The following ODAD2 variants were observed in gnomAD, a reference collection of about 807,000 sequenced individuals.
ODAD2 encodes the protein outer dynein arm-docking complex subunit 2.
A neutral mutation model predicts 106.8 loss-of-function variants in ODAD2; 89 were observed. The ratio of observed to expected loss-of-function variants is 0.83; its 90% CI spans 0.70 to 0.99. The LOEUF (loss-of-function observed/expected upper bound fraction) is 0.99. Ranked by LOEUF, ODAD2 falls within the 50% of genes least tolerant of loss-of-function variation. ODAD2 has a pLI of 0.00. For synonymous variants in ODAD2, 404 were observed against 436.2 expected (o/e 0.93, Z 0.92); for missense variants, 1,168 against 1,238.5 (o/e 0.94, Z 0.85).
intron 19 of ODAD2, among the ~76,000 whole-genome samples, chr10:27,817,094 A>C (rs1451036396): frequency 6.6e-6 from 1 of 152,162 alleles, no homozygotes; most frequent in Non-Finnish European, 1.5e-5. Context: ...GCATGCATGC[A>C]TACACACTTT....
chr10:27,935,204 A>G lies in ODAD2; in HGVS notation c.2301T>C (p.Asp767=), dbSNP rs1320519276. Residue 767 remains aspartate (D), a synonymous_variant, in exon 16 of 20, where the codon GAT becomes GAC. Transcript: ENST00000305242. ...AIETLVGLLT[D]QPEEVLVNVV... ...CATTCACAAGTACTTCTTCAGGCTG[A>G]TCTGTTAGAAGTCCCACCAAGGTTT... 3 of 1,613,986 alleles carry G rather than the reference A, an allele frequency of 1.9e-6. No individual in the cohort carries two copies. In the South Asian group the frequency reaches 3.3e-5, roughly 18 times the overall value.
In ODAD2 at chr10:27,862,578, A is replaced by G. The variant is rs374881931; in HGVS notation, c.2655T>C (p.Leu885=). 9.9e-6 allele frequency: 16 copies of G among 1,611,766 alleles called. No individual in the cohort carries two copies. The South Asian group carries it at 1.7e-4, about 17-fold the overall frequency. The part of the protein sequence containing the change: ...MVRSFVGGLE[L]IVNLLKSDNK... ...TATCTGATTTCAGTAAATTGACAAT[A>G]AGTTCCAAACCACCAACAAAGGAAC... Residue 885 remains leucine, a synonymous_variant, in exon 18 of 20, where the codon CTT becomes CTC. Transcript: ENST00000305242.
intron 19 of ODAD2, among the ~76,000 whole-genome samples, chr10:27,814,353 TC>T (rs1835964495): frequency 1.3e-5 from 2 of 152,156 alleles, no homozygotes; most frequent in Non-Finnish European, 1.5e-5. Flanking sequence ...GGGGACCCCT[TC>T]CCACCCGGCT....
At chr10:27,832,675 G>A (rs529587170) in intron 19 of ODAD2, among the ~76,000 whole-genome samples, 5 of 152,178 alleles carry the variant, frequency 3.3e-5, no homozygotes, top group African/African-American at 1.2e-4. Flanking sequence ...CAGAGCACAC[G>A]TGACCAGGAA....
chr10:27,872,817 CT>C (rs745451850), intron 17 of ODAD2, among the ~76,000 whole-genome samples: 4 of 151,964 alleles, frequency 2.6e-5, no homozygotes, highest in Non-Finnish European at 1.5e-5. Context: ...CTAAAATTCT[CT>C]TTTTTTTCTG....
intron 10 of ODAD2, among the ~76,000 whole-genome samples, chr10:27,950,969 C>T (rs1027459070): frequency 2.0e-5 from 3 of 151,986 alleles, no homozygotes; most frequent in Non-Finnish European, 2.9e-5. Context: ...TATACACTAA[C>T]AATAACAAAT....
chr10:27,876,002 G>A (rs1346175887), intron 17 of ODAD2, among the ~76,000 whole-genome samples: 11 of 152,186 alleles, frequency 7.2e-5, no homozygotes, highest in Admixed American at 7.2e-4. Flanking sequence ...TGGGGGAGGG[G>A]CACCCGCCAT....
At chr10:27,985,774 TA>T (rs1408854961) in intron 3 of ODAD2, among the ~76,000 whole-genome samples, 11 of 150,846 alleles carry the variant, frequency 7.3e-5, no homozygotes, top group African/African-American at 2.7e-4. Context: ...TCTAGCCATA[TA>T]CATAATATAT....
chr10:27,847,298 T>C (rs1480008231), intron 19 of ODAD2, among the ~76,000 whole-genome samples: 1 of 152,166 alleles, frequency 6.6e-6, no homozygotes, highest in African/African-American at 2.4e-5. Context: ...TAATCCAGCA[T>C]ATAAACAGAA....
At chr10:27,984,162 T>G in intron 5 of ODAD2, 22 bp downstream of exon 5, 2 of 1,563,386 alleles carry the variant, frequency 1.3e-6, no homozygotes, top group African/African-American at 2.7e-5. Flanking sequence ...TAACATAAAA[T>G]GAGCCTGAGA....
Position 27,915,979 on chromosome 10 carries a change from G to T in ODAD2, c.2496-8202C>A, listed in dbSNP as rs1844342552. On this transcript the variant is annotated intron_variant, in intron 16 of 19. Transcript: ENST00000305242. Reference sequence around the variant, plus strand: ...ACCATGGAGTGTTAGAGCACAAGAAGGATGAAGAGAGAATCTCTCTAAGTG... The same window carrying T: ...ACCATGGAGTGTTAGAGCACAAGAATGATGAAGAGAGAATCTCTCTAAGTG... Among the ~76,000 whole-genome samples the T allele has an allele frequency of 2.0e-5, 3 of 152,132 alleles. No homozygotes were observed. The South Asian group carries it at 6.2e-4, about 31-fold the overall frequency.
At chr10:27,870,625 A>C (rs1378256728) in intron 17 of ODAD2, among the ~76,000 whole-genome samples, 2 of 151,768 alleles carry the variant, frequency 1.3e-5, no homozygotes, top group African/African-American at 4.8e-5. Flanking sequence ...TGTCCTTGCG[A>C]TAGTTTGCTG....
At chr10:27,998,295 C>T (rs1176755633) in intron 1 of ODAD2, among the ~76,000 whole-genome samples, 3 of 152,134 alleles carry the variant, frequency 2.0e-5, no homozygotes, top group African/African-American at 7.2e-5. Context: ...CTAAGTAAAA[C>T]CAAAGCTAAG....
chr10:27,997,590 C>G (rs1850630810), intron 1 of ODAD2: 1 of 152,124 alleles, frequency 6.6e-6, no homozygotes, highest in Non-Finnish European at 1.5e-5. Context: ...ACATTTGAAT[C>G]TATTCAAATT....
chr10:27,926,146 G>C (rs1046410355), intron 16 of ODAD2, among the ~76,000 whole-genome samples: 1 of 152,056 alleles, frequency 6.6e-6, no homozygotes, highest in Non-Finnish European at 1.5e-5. Context: ...CAACTTTGCA[G>C]TTGTAGCACA....
In ODAD2 at chr10:27,853,043, A is replaced by G. The variant is rs147863894; in HGVS notation, c.3021+7582T>C. On this transcript the variant is annotated intron_variant, in intron 19 of 19. Transcript: ENST00000305242. ...TAGTGTAACCACTTCCCCTCCCAAT[A>G]AAGGCAGAGGTTGTATAAAAGACTG... Among the ~76,000 whole-genome samples, 191 of 151,716 alleles carry G rather than the reference A, an allele frequency of 1.3e-3. 1 individual carries two copies. The highest frequency in any genetic ancestry group is 1.9e-3 in the Non-Finnish European group (129 of 67,914).
chr10:27,862,989 C>G (rs1282684846), intron 17 of ODAD2, among the ~76,000 whole-genome samples: 1 of 152,134 alleles, frequency 6.6e-6, no homozygotes, highest in Non-Finnish European at 1.5e-5. Flanking sequence ...CTGAATCAGC[C>G]AATACTAAAC....
intron 10 of ODAD2, among the ~76,000 whole-genome samples, chr10:27,954,747 A>T (rs1265214208): frequency 1.3e-5 from 2 of 152,222 alleles, no homozygotes; most frequent in Non-Finnish European, 2.9e-5. Flanking sequence ...TTAAATACAG[A>T]TTCCCCTTTG....
At chr10:27,835,007 C>T (rs951957273) in intron 19 of ODAD2, among the ~76,000 whole-genome samples, 1 of 152,178 alleles carries the variant, frequency 6.6e-6, no homozygotes, top group Non-Finnish European at 1.5e-5. Flanking sequence ...CACCCAGGCC[C>T]GACAGAACAC....
Sources: gnomAD v4.1 joint callset for allele counts (sites outside exome capture counted in the v4.1 genomes callset) on GRCh38, gnomAD v4.1.1 for gene constraint, MANE v1.5 for transcripts, NCBI Gene and HGNC (gene_info 2026-07-23, HGNC 2026-07-21) for gene names.